The following FHIP1A variants were observed in gnomAD, a reference collection of about 807,000 sequenced individuals.
The protein encoded by FHIP1A is FHF complex subunit HOOK-interacting protein 1A.
In FHIP1A, 61 loss-of-function variants were observed where a neutral mutation model predicts 88.6. The observed-to-expected ratio is 0.69, with a 90% CI of 0.56 to 0.85. The LOEUF (loss-of-function observed/expected upper bound fraction) is 0.85. FHIP1A is among the 40% of genes least tolerant of loss of function. FHIP1A has a pLI of 0.00. For synonymous variants in FHIP1A, 478 were observed against 496.0 expected, an observed-to-expected ratio of 0.96 and a Z score of 0.48; for missense variants, 1,154 against 1,273.5, an observed-to-expected ratio of 0.91 and a Z score of 1.43.
intron 6 of FHIP1A, among the ~76,000 whole-genome samples, chr4:151,588,464 C>T (rs571703418): frequency 1.3e-5 from 2 of 152,112 alleles, no homozygotes; most frequent in South Asian, 4.2e-4. Context: ...AAGTAAGGGG[C>T]AAAAATTATA....
At chr4:151,531,129 A>G (rs1482239958) in intron 3 of FHIP1A, among the ~76,000 whole-genome samples, 1 of 151,972 alleles carries the variant, frequency 6.6e-6, no homozygotes, top group Non-Finnish European at 1.5e-5. Flanking sequence ...CATGCTTCTA[A>G]TGTATTTGGG....
At chr4:151,489,720 G>A (rs1730215223) in intron 3 of FHIP1A, among the ~76,000 whole-genome samples, 1 of 152,126 alleles carries the variant, frequency 6.6e-6, no homozygotes, top group Admixed American at 6.5e-5. Flanking sequence ...CTGATGACCT[G>A]TAGGGTGCAG....
intron 3 of FHIP1A, among the ~76,000 whole-genome samples, chr4:151,515,450 C>G (rs888577420): frequency 2.8e-4 from 43 of 151,898 alleles, no homozygotes; most frequent in African/African-American, 9.7e-4. Flanking sequence ...GAAGTTCTGG[C>G]CAGGGCAATT....
At chr4:151,428,370 G>A (rs1051293738) in intron 1 of FHIP1A, among the ~76,000 whole-genome samples, 1 of 152,148 alleles carries the variant, frequency 6.6e-6, no homozygotes, top group African/African-American at 2.4e-5. Flanking sequence ...CAAAACCAAA[G>A]CATTATCTCT....
intron 7 of FHIP1A, among the ~76,000 whole-genome samples, chr4:151,602,044 A>G (rs1326189884): frequency 1.3e-5 from 2 of 152,060 alleles, no homozygotes; most frequent in Non-Finnish European, 2.9e-5. Flanking sequence ...TCACCAGAAC[A>G]GCATGGGAAA....
At position 151,420,291 on chromosome 4, in the gene FHIP1A, T is replaced by C. The variant is rs1253981586; in HGVS notation, c.-356+10826T>C. Among the ~76,000 whole-genome samples the C allele has an allele frequency of 2.1e-4, 10 of 47,450 alleles. 4 individuals carry two copies. The highest frequency in any genetic ancestry group is 9.0e-4 in the African/African-American group (10 of 11,078). The allele number at this position is 47,450 out of a possible 152,430, so 31.1% of individuals were successfully genotyped here. ...TTTTAATGATTGCCATTCTAACTGG[T>C]GTGAGATGATATCTCATAGTGGTTT... On this transcript the variant is annotated intron_variant, in intron 1 of 13. Coordinates refer to ENST00000435205, the MANE Select transcript of FHIP1A (RefSeq NM_001109977.3).
chr4:151,440,620 A>T (rs1384937758), intron 1 of FHIP1A, among the ~76,000 whole-genome samples: 1 of 152,136 alleles, frequency 6.6e-6, no homozygotes, highest in Non-Finnish European at 1.5e-5. Context: ...TAGGATAGTC[A>T]CCACCATCAT....
chr4:151,550,834 G>A (rs986194601), intron 3 of FHIP1A, among the ~76,000 whole-genome samples: 2 of 152,184 alleles, frequency 1.3e-5, no homozygotes, highest in African/African-American at 2.4e-5. Flanking sequence ...ACCTGTCAGG[G>A]AGAGAAGCAG....
intron 11 of FHIP1A, among the ~76,000 whole-genome samples, chr4:151,654,242 C>G (rs1374179596): frequency 1.3e-5 from 2 of 152,154 alleles, no homozygotes; most frequent in African/African-American, 2.4e-5. Flanking sequence ...TGGCCTTGAC[C>G]TAATGATATT....
intron 7 of FHIP1A, among the ~76,000 whole-genome samples, chr4:151,619,922 T>C (rs925475495): frequency 2.0e-5 from 3 of 152,158 alleles, no homozygotes; most frequent in Admixed American, 1.3e-4. Context: ...TACAACTCAC[T>C]AGCCAAAACA....
chr4:151,646,498 G>A (rs1736797055), intron 9 of FHIP1A, 60 bp from the exon 10 acceptor site: 27 of 1,221,076 alleles, frequency 2.2e-5, no homozygotes, highest in Middle Eastern at 5.3e-4. Flanking sequence ...GGTTTAGTTA[G>A]TCCCAGTAAT....
chr4:151,659,091 G>C (rs2126928292), intron 13 of FHIP1A, among the ~76,000 whole-genome samples: 1 of 152,302 alleles, frequency 6.6e-6, no homozygotes, highest in South Asian at 2.1e-4. Context: ...TATGTGCCCA[G>C]GGAACTTGTT....
At chr4:151,430,446 C>G (rs1194783143) in intron 1 of FHIP1A, among the ~76,000 whole-genome samples, 2 of 152,188 alleles carry the variant, frequency 1.3e-5, no homozygotes, top group Non-Finnish European at 2.9e-5. Context: ...TTCTACTATT[C>G]AAGATTATTT....
At chr4:151,447,228 A>G (rs1334691628) in intron 1 of FHIP1A, among the ~76,000 whole-genome samples, 1 of 152,062 alleles carries the variant, frequency 6.6e-6, no homozygotes, top group Non-Finnish European at 1.5e-5. Flanking sequence ...GAACTCTGAA[A>G]TAGTTTGTCT....
At chr4:151,411,349 A>ATTTTTT (rs60777689) in intron 1 of FHIP1A, among the ~76,000 whole-genome samples, 5 of 136,790 alleles carry the variant, frequency 3.7e-5, no homozygotes, top group South Asian at 2.2e-4. Flanking sequence ...TTATATATAT[A>ATTTTTT]TTTTTTTTTT....
At chr4:151,657,652 A>C (rs1350672622) in intron 13 of FHIP1A, among the ~76,000 whole-genome samples, 1 of 152,212 alleles carries the variant, frequency 6.6e-6, no homozygotes, top group Non-Finnish European at 1.5e-5. Context: ...GGAATGCCCC[A>C]TATTGCACTG....
intron 4 of FHIP1A, among the ~76,000 whole-genome samples, chr4:151,570,914 A>G (rs1733578878): frequency 6.6e-6 from 1 of 152,172 alleles, no homozygotes; most frequent in South Asian, 2.1e-4. Flanking sequence ...GTGTGTATAT[A>G]CTTAATTTTT....
intron 10 of FHIP1A, 144 bp from the exon 11 acceptor site, chr4:151,649,315 T>G: frequency 1.7e-6 from 1 of 574,158 alleles, no homozygotes; most frequent in Non-Finnish European, 3.1e-6. Context: ...TCTAACCATA[T>G]TATTCAGAGG....
rs988928319 is a variant in FHIP1A at position 151,669,960 on chromosome 4, CT to C, written c.*7212del. 1 of 152,102 alleles carries C rather than the reference CT, an allele frequency of 6.6e-6. No individual in the cohort carries two copies. The highest frequency in any genetic ancestry group is 1.5e-5 in the Non-Finnish European group (1 of 68,024). The allele number at this position is 152,102 out of a possible 1,614,324, so 9.4% of individuals were successfully genotyped here. On this transcript the variant is annotated 3_prime_UTR_variant, in exon 14 of 14. Coordinates refer to ENST00000435205, the MANE Select transcript of FHIP1A (RefSeq NM_001109977.3). ...TGAATTGGTGATGGAGGGGTGTCCA[CT>C]TTTTTCTAGTTCCTCAGCTGCTTCT...
Sources: gnomAD v4.1 joint callset for allele counts (sites outside exome capture counted in the v4.1 genomes callset) on GRCh38, gnomAD v4.1.1 for gene constraint, MANE v1.5 for transcripts, NCBI Gene and HGNC (gene_info 2026-07-23, HGNC 2026-07-21) for gene names.